Variants in LRIG3 observed in about 807,000 individuals in gnomAD.
LRIG3 encodes leucine-rich repeats and immunoglobulin-like domains protein 3.
Under a neutral mutation model 114.5 loss-of-function variants are expected in LRIG3, and 76 were observed. The observed-to-expected ratio is 0.66, with a 90% CI of 0.55 to 0.80. The LOEUF (loss-of-function observed/expected upper bound fraction) is 0.80. Among genes scored for constraint, LRIG3 ranks in the 30% least tolerant of loss-of-function variants. LRIG3 has a pLI of 0.00. For synonymous variants in LRIG3, 512 were observed against 519.8 expected, an observed-to-expected ratio of 0.98 and a Z score of 0.20; for missense variants, 1,239 against 1,382.8, an observed-to-expected ratio of 0.90 and a Z score of 1.65.
At position 58,876,569 on chromosome 12, in the gene LRIG3, A is replaced by G. The variant is rs1350360481; in HGVS notation, c.2571T>C (p.Tyr857=). 2 of 1,614,208 alleles carry G rather than the reference A, an allele frequency of 1.2e-6. No individual in the cohort carries two copies. Among genetic ancestry groups the G allele is most frequent in the Non-Finnish European group, 8.5e-7 (1 of 1,180,014 alleles). The change falls in exon 16 of 19, where the codon TAT becomes TAC. Residue 857 remains tyrosine, a synonymous_variant. Transcript: ENST00000320743. ...CAGCTAACGTTCCCTGAGATGACAA[A>G]TAACTAGGAATATCTGCTGGCAAGT... ...ETNLPADIPS[Y]LSSQGTLADR...
At chr12:58,919,504 C>A (rs1872595430) in intron 1 of LRIG3, 2 of 1,551,522 alleles carry the variant, frequency 1.3e-6, no homozygotes, top group Middle Eastern at 1.7e-4. Flanking sequence ...TGACCGAATT[C>A]TGTTGAGGGG....
intron 5 of LRIG3, 138 bp from the exon 6 acceptor site, chr12:58,889,100 A>ATTGAAATTCT: frequency 1.2e-6 from 1 of 807,358 alleles, no homozygotes; most frequent in Non-Finnish European, 1.9e-6. Flanking sequence ...AAACATTTTT[A>ATTGAAATTCT]TTGCAAAGAA....
intron 8 of LRIG3, among the ~76,000 whole-genome samples, chr12:58,887,384 T>C (rs1182845430): frequency 6.6e-6 from 1 of 152,218 alleles, no homozygotes; most frequent in East Asian, 1.9e-4. Context: ...TTTCTTTCTC[T>C]TAGGACAGAG....
intron 18 of LRIG3, 55 bp downstream of exon 18, chr12:58,874,000 C>A (rs761130566): frequency 2.5e-6 from 4 of 1,588,556 alleles, no homozygotes; most frequent in Admixed American, 1.7e-5. Context: ...CTCTCTCACA[C>A]ACAACTTGGA....
chr12:58,876,380 A>T (rs910686047), intron 16 of LRIG3, 65 bp downstream of exon 16: 1 of 1,532,494 alleles, frequency 6.5e-7, no homozygotes. Flanking sequence ...AATGAATATC[A>T]TATCTGAGCC....
At chr12:58,893,134 T>C (rs1177996971) in intron 3 of LRIG3, among the ~76,000 whole-genome samples, 3 of 152,060 alleles carry the variant, frequency 2.0e-5, no homozygotes, top group African/African-American at 7.3e-5. Context: ...TCTACCAGAG[T>C]CAGATGGCCG....
At chr12:58,880,546 T>A (rs1871091575) in intron 13 of LRIG3, 35 bp downstream of exon 13, 2 of 1,590,592 alleles carry the variant, frequency 1.3e-6, no homozygotes, top group Non-Finnish European at 1.7e-6. Flanking sequence ...CTAAAAGGTA[T>A]CTTTAAATGC....
chr12:58,885,034 C>T (rs1188053650), intron 10 of LRIG3, among the ~76,000 whole-genome samples: 1 of 152,026 alleles, frequency 6.6e-6, no homozygotes, highest in Non-Finnish European at 1.5e-5. Flanking sequence ...TTCCTGAGCC[C>T]CTAAATGACA....
chr12:58,879,050 C>G lies in LRIG3; in HGVS notation c.1857G>C (p.Met619Ile). 6.2e-7 allele frequency: 1 copy of G among 1,614,136 alleles called. No homozygotes were observed. Among genetic ancestry groups the G allele is most frequent in the Middle Eastern group, 1.6e-4 (1 of 6,062 alleles). Residue 619 changes from methionine to isoleucine, a missense_variant, in exon 14 of 19, where the codon ATG (methionine) becomes ATC (isoleucine). Physicochemically the swap from Met to Ile is conservative, Grantham distance 10 (BLOSUM62 1). Coordinates refer to ENST00000320743, the MANE Select transcript of LRIG3 (RefSeq NM_153377.5). ...PMDLTIRAGA[M>I]ARLECAAVGH... is the part of the protein sequence containing the mutation. The stretch of plus-strand genomic sequence containing the variant: ...CCACAGCAGCACACTCCAAGCGTGC[C>G]ATGGCCCCAGCTCGGATGGTGAGAT...
chr12:58,899,887 C>T (rs557165849), intron 3 of LRIG3, among the ~76,000 whole-genome samples: 3 of 152,262 alleles, frequency 2.0e-5, no homozygotes, highest in East Asian at 1.9e-4. Context: ...CCAAATTCTC[C>T]AATCTCCAGT....
At chr12:58,911,931 G>A (rs570986978) in intron 3 of LRIG3, among the ~76,000 whole-genome samples, 1 of 152,286 alleles carries the variant, frequency 6.6e-6, no homozygotes, top group South Asian at 2.1e-4. Context: ...TCAGGCCCAT[G>A]ATATAAATTA....
chr12:58,883,707 G>T, intron 10 of LRIG3, 116 bp from the exon 11 acceptor site: 2 of 563,082 alleles, frequency 3.6e-6, no homozygotes, highest in South Asian at 4.1e-5. Context: ...CCCTCTATGT[G>T]TCAAATACAT....
intron 1 of LRIG3, among the ~76,000 whole-genome samples, chr12:58,916,776 ATGG>A (rs111741581): frequency 0.01 from 1,546 of 152,334 alleles, 27 homozygotes; most frequent in African/African-American, 0.034. Context: ...CTCTTTCTAT[ATGG>A]TTAGACAGAC....
chr12:58,908,777 T>C (rs950384506), intron 3 of LRIG3, among the ~76,000 whole-genome samples: 4 of 152,232 alleles, frequency 2.6e-5, no homozygotes, highest in African/African-American at 4.8e-5. Flanking sequence ...CATGTGGTTA[T>C]TCCATGAATA....
chr12:58,897,743 A>C (rs543699066), intron 3 of LRIG3, among the ~76,000 whole-genome samples: 1 of 152,374 alleles, frequency 6.6e-6, no homozygotes, highest in East Asian at 1.9e-4. Flanking sequence ...CAGGATAAAG[A>C]AAACATTGAA....
intron 9 of LRIG3, among the ~76,000 whole-genome samples, chr12:58,886,324 G>C (rs770388115): frequency 3.3e-5 from 5 of 151,782 alleles, no homozygotes; most frequent in African/African-American, 1.2e-4. Context: ...GAATACTGCT[G>C]GCTTAACACA....
In LRIG3 at chr12:58,877,733, T is replaced by A. The variant is rs759077906; in HGVS notation, c.2203A>T (p.Ser735Cys). The A allele has an allele frequency of 6.2e-7, 1 of 1,614,110 alleles. No homozygotes were observed. Among genetic ancestry groups the A allele is most frequent in the East Asian group, 2.2e-5 (1 of 44,884 alleles). Residue 735 changes from serine to cysteine, a missense_variant, in exon 15 of 19, where the codon AGC (serine) becomes TGC (cysteine). By Grantham distance (112) the Ser-to-Cys change is moderately radical. Transcript: ENST00000320743. Reference sequence around the variant, plus strand: ...TGCCTCTCGGTTACCACCAATGGGCTATCATCTTTGGTCCAGTTCAGTTTA... The same window carrying A: ...TGCCTCTCGGTTACCACCAATGGGCAATCATCTTTGGTCCAGTTCAGTTTA... ...PPKLNWTKDDSPLVVTERHFF... is the reference protein window; with the variant it reads ...PPKLNWTKDDCPLVVTERHFF...
At position 58,883,524 on chromosome 12, in the gene LRIG3, G is replaced by C; in HGVS notation, c.1312C>G (p.Gln438Glu). The C allele has an allele frequency of 3.2e-6, 5 of 1,538,808 alleles. No individual in the cohort carries two copies. The highest frequency in any genetic ancestry group is 4.4e-6 in the Non-Finnish European group (5 of 1,128,146). Reference sequence around the variant, plus strand: ...AGAAGGAAAAGAAAAGCTTACAATTGTTGCAGTTTCTTCATTTGTGAAAAT... The same window carrying C: ...AGAAGGAAAAGAAAAGCTTACAATTCTTGCAGTTTCTTCATTTGTGAAAAT... ...NAFSQMKKLQQLHLNTSSLLC... is the reference protein window; with the variant it reads ...NAFSQMKKLQELHLNTSSLLC... Residue 438 changes from glutamine to glutamate, a missense_variant, in exon 11 of 19, where the codon CAA becomes GAA. Coordinates refer to ENST00000320743, the MANE Select transcript of LRIG3 (RefSeq NM_153377.5).
intron 3 of LRIG3, among the ~76,000 whole-genome samples, chr12:58,899,173 C>T (rs1010104795): frequency 3.9e-5 from 6 of 152,198 alleles, no homozygotes; most frequent in African/African-American, 1.4e-4. Context: ...CTACCAAGTT[C>T]CCAGGTGATG....
Sources: allele counts gnomAD v4.1 joint callset (sites outside exome capture counted in the v4.1 genomes callset), GRCh38; gene constraint gnomAD v4.1.1; transcripts MANE v1.5; gene names NCBI Gene and HGNC (gene_info 2026-07-23, HGNC 2026-07-21).